CDH12: variants seen among roughly 807,000 people sequenced by gnomAD.
CDH12 encodes the protein cadherin 12.
Under a neutral mutation model 74.1 loss-of-function variants are expected in CDH12, and 41 were observed. That is an observed-to-expected ratio of 0.55 (90% CI 0.43 to 0.72). CDH12 has a LOEUF of 0.72. Ranked by LOEUF, CDH12 falls within the 30% of genes least tolerant of loss-of-function variation. The pLI, the probability that CDH12 is intolerant of heterozygous loss-of-function variation, is 0.00. For synonymous variants in CDH12, 399 were observed against 355.0 expected (o/e 1.12, Z -1.39); for missense variants, 945 against 977.2 (o/e 0.97, Z 0.44).
At chr5:21,790,321 A>G (rs1214958401) in intron 10 of CDH12, among the ~76,000 whole-genome samples, 1 of 152,120 alleles carries the variant, frequency 6.6e-6, no homozygotes, top group African/African-American at 2.4e-5. Context: ...ATCAAATAAT[A>G]CGTTTATCTC....
chr5:22,399,971 C>T (rs1742645274), intron 3 of CDH12, among the ~76,000 whole-genome samples: 1 of 152,126 alleles, frequency 6.6e-6, no homozygotes, highest in African/African-American at 2.4e-5. Flanking sequence ...ACCTCACTGG[C>T]CTGACCAGAG....
At chr5:22,056,235 C>G (rs921630469) in intron 5 of CDH12, among the ~76,000 whole-genome samples, 1 of 151,998 alleles carries the variant, frequency 6.6e-6, no homozygotes, top group Non-Finnish European at 1.5e-5. Flanking sequence ...TCTCTATGGT[C>G]CTGATTTGTT....
chr5:22,419,265 GC>G (rs1432244917), intron 2 of CDH12, among the ~76,000 whole-genome samples: 1 of 152,126 alleles, frequency 6.6e-6, no homozygotes, highest in East Asian at 1.9e-4. Context: ...TAGACATTAA[GC>G]CCCACATGCA....
intron 1 of CDH12, among the ~76,000 whole-genome samples, chr5:22,624,771 A>T (rs1738181038): frequency 6.6e-6 from 1 of 152,212 alleles, no homozygotes; most frequent in Admixed American, 6.5e-5. Context: ...AAGGATCTAG[A>T]ACTAGAAATA....
At chr5:22,331,208 T>C (rs548877151) in intron 3 of CDH12, among the ~76,000 whole-genome samples, 43 of 152,308 alleles carry the variant, frequency 2.8e-4, no homozygotes, top group South Asian at 6.2e-4. Flanking sequence ...ATAGCATGGC[T>C]GGATATCCCT....
intron 1 of CDH12, among the ~76,000 whole-genome samples, chr5:22,660,593 A>G (rs541920481): frequency 6.6e-6 from 1 of 152,106 alleles, no homozygotes; most frequent in Non-Finnish European, 1.5e-5. Context: ...TCATTTTTTA[A>G]TCTTTGTAAA....
chr5:22,326,787 T>C (rs1328009375), intron 3 of CDH12, among the ~76,000 whole-genome samples: 1 of 152,206 alleles, frequency 6.6e-6, no homozygotes, highest in Non-Finnish European at 1.5e-5. Context: ...TCACTGATAA[T>C]GATCATATGA....
chr5:22,769,333 A>G (rs1561017983), intron 1 of CDH12, among the ~76,000 whole-genome samples: 1 of 152,056 alleles, frequency 6.6e-6, no homozygotes. Flanking sequence ...TGTGGTTTTT[A>G]TCTTTCTCCG....
At chr5:22,439,870 T>C (rs1744555302) in intron 2 of CDH12, among the ~76,000 whole-genome samples, 1 of 152,118 alleles carries the variant, frequency 6.6e-6, no homozygotes, top group Non-Finnish European at 1.5e-5. Context: ...TCTTTTTCAA[T>C]GAACATTTGC....
chr5:22,695,916 A>G (rs1193379737), intron 1 of CDH12, among the ~76,000 whole-genome samples: 1 of 152,106 alleles, frequency 6.6e-6, no homozygotes, highest in African/African-American at 2.4e-5. Context: ...TCTATTTACT[A>G]TTCTAATTAG....
chr5:22,255,730 T>G (rs1188467092), intron 3 of CDH12, among the ~76,000 whole-genome samples: 2 of 151,832 alleles, frequency 1.3e-5, no homozygotes, highest in African/African-American at 4.8e-5. Flanking sequence ...TGAAACTACA[T>G]GCAATACAAA....
intron 1 of CDH12, among the ~76,000 whole-genome samples, chr5:22,693,503 C>A (rs964907695): frequency 6.6e-6 from 1 of 151,750 alleles, no homozygotes; most frequent in African/African-American, 2.4e-5. Context: ...AAGAAATAAC[C>A]CATTTTGTGT....
chr5:21,847,161 T>C (rs1291799883), intron 7 of CDH12, among the ~76,000 whole-genome samples: 2 of 152,088 alleles, frequency 1.3e-5, no homozygotes, highest in African/African-American at 4.8e-5. Context: ...CCTGCTGAAC[T>C]CTGATCTTCT....
chr5:22,522,708 C>A (rs1171765536), intron 1 of CDH12, among the ~76,000 whole-genome samples: 2 of 152,102 alleles, frequency 1.3e-5, no homozygotes, highest in Non-Finnish European at 2.9e-5. Context: ...ATATTATAAT[C>A]TCTCATCTAC....
intron 1 of CDH12, among the ~76,000 whole-genome samples, chr5:22,694,750 A>G (rs984323080): frequency 2.8e-4 from 43 of 151,830 alleles, no homozygotes; most frequent in Non-Finnish European, 5.6e-4. Flanking sequence ...CTTTTAAATT[A>G]ATGTTTTAAG....
chr5:22,488,390 T>C (rs1561441877), intron 2 of CDH12, among the ~76,000 whole-genome samples: 1 of 152,214 alleles, frequency 6.6e-6, no homozygotes, highest in East Asian at 1.9e-4. Flanking sequence ...ATGGCTATCT[T>C]AAAAAATTGC....
At chr5:22,319,482 AC>A (rs1277600163) in intron 3 of CDH12, among the ~76,000 whole-genome samples, 1 of 152,148 alleles carries the variant, frequency 6.6e-6, no homozygotes, top group African/African-American at 2.4e-5. Context: ...GGAAAGGCAA[AC>A]TTCTTTGCTT....
At chr5:21,942,347 T>TATATATATATACAC (rs1225173229) in intron 6 of CDH12, among the ~76,000 whole-genome samples, 111 of 129,666 alleles carry the variant, frequency 8.6e-4, no homozygotes, top group Middle Eastern at 3.8e-3. Flanking sequence ...TATATATATA[T>TATATATATATACAC]ACACACACAC....
At chr5:22,840,756 T>C (rs1737046798) in intron 1 of CDH12, among the ~76,000 whole-genome samples, 1 of 152,070 alleles carries the variant, frequency 6.6e-6, no homozygotes, top group East Asian at 1.9e-4. Flanking sequence ...GATAAGGAAA[T>C]TGTATTATAC....
Sources: gnomAD v4.1 joint callset for allele counts (sites outside exome capture counted in the v4.1 genomes callset) on GRCh38, gnomAD v4.1.1 for gene constraint, MANE v1.5 for transcripts, NCBI Gene and HGNC (gene_info 2026-07-23, HGNC 2026-07-21) for gene names.